Variants in CNTN4 observed in about 807,000 individuals in gnomAD.
CNTN4 encodes the protein contactin-4.
CNTN4 carries 77 observed loss-of-function variants against 122.5 expected under a neutral mutation model. The ratio of observed to expected loss-of-function variants is 0.63; its 90% CI spans 0.52 to 0.76. The LOEUF (loss-of-function observed/expected upper bound fraction) is 0.76, where lower values mean the gene tolerates loss of function less well. Among genes scored for constraint, CNTN4 ranks in the 30% least tolerant of loss-of-function variants. The probability of loss-of-function intolerance (pLI) is 0.00; values close to 1 mark genes in which losing one functional copy is unlikely to be tolerated. For synonymous variants in CNTN4, 512 were observed against 447.0 expected, an observed-to-expected ratio of 1.15 and a Z score of -1.83; for missense variants, 1,256 against 1,259.1, an observed-to-expected ratio of 1.00 and a Z score of 0.04.
intron 4 of CNTN4, among the ~76,000 whole-genome samples, chr3:2,724,106 A>G (rs2088045618): frequency 2.0e-5 from 3 of 152,164 alleles, no homozygotes; most frequent in Non-Finnish European, 4.4e-5. Flanking sequence ...AGGAAGGGAG[A>G]GTCAGAGTTG....
chr3:2,149,710 T>G (rs543625874), intron 2 of CNTN4, among the ~76,000 whole-genome samples: 1 of 152,316 alleles, frequency 6.6e-6, no homozygotes, highest in Admixed American at 6.5e-5. Flanking sequence ...TTTATATAAT[T>G]TGATGCAATG....
chr3:2,950,488 C>A (rs746001981), intron 13 of CNTN4, among the ~76,000 whole-genome samples: 2 of 148,700 alleles, frequency 1.3e-5, no homozygotes, highest in African/African-American at 2.4e-5. Flanking sequence ...TGATGAGTAG[C>A]AGGTCCCTGT....
intron 2 of CNTN4, among the ~76,000 whole-genome samples, chr3:2,242,589 G>C (rs1050689372): frequency 2.0e-5 from 3 of 152,066 alleles, no homozygotes; most frequent in African/African-American, 7.2e-5. Context: ...ATACACCATA[G>C]TAAGCACCAT....
intron 2 of CNTN4, among the ~76,000 whole-genome samples, chr3:2,317,583 G>A (rs2043147673): frequency 6.6e-6 from 1 of 152,124 alleles, no homozygotes; most frequent in Admixed American, 6.6e-5. Context: ...ATTTCTTTAT[G>A]TGTACTCTTT....
intron 2 of CNTN4, among the ~76,000 whole-genome samples, chr3:2,155,050 C>T (rs994497839): frequency 6.6e-6 from 1 of 152,212 alleles, no homozygotes; most frequent in Non-Finnish European, 1.5e-5. Context: ...GTTTTGTGTC[C>T]TAGAGTTTGG....
intron 13 of CNTN4, among the ~76,000 whole-genome samples, chr3:2,980,556 T>C (rs1357258337): frequency 6.6e-6 from 1 of 152,142 alleles, no homozygotes; most frequent in Non-Finnish European, 1.5e-5. Flanking sequence ...TGAAATCTCA[T>C]CCAGAAACAA....
intron 3 of CNTN4, among the ~76,000 whole-genome samples, chr3:2,487,881 A>G (rs2076207642): frequency 6.6e-6 from 1 of 152,230 alleles, no homozygotes; most frequent in South Asian, 2.1e-4. Context: ...ACATGTACCA[A>G]TAAGTTATAT....
intron 2 of CNTN4, among the ~76,000 whole-genome samples, chr3:2,322,695 C>G (rs1194098434): frequency 2.6e-5 from 4 of 152,082 alleles, no homozygotes; most frequent in Non-Finnish European, 5.9e-5. Context: ...ATTATGTTAG[C>G]TCTCCACAAT....
chr3:2,785,146 TAGAG>T (rs111372866), intron 6 of CNTN4, among the ~76,000 whole-genome samples: 37,860 of 150,778 alleles, frequency 0.25, 5,516 homozygotes, highest in East Asian at 0.59. Context: ...CACATATATA[TAGAG>T]AGAGAGAGAG....
At chr3:2,455,729 A>G (rs2048975300) in intron 3 of CNTN4, among the ~76,000 whole-genome samples, 3 of 152,074 alleles carry the variant, frequency 2.0e-5, no homozygotes, top group African/African-American at 4.8e-5. Flanking sequence ...TCGGGTAGTC[A>G]TTCCTGAAGT....
At chr3:2,784,205 G>A (rs1423780356) in intron 6 of CNTN4, among the ~76,000 whole-genome samples, 1 of 152,174 alleles carries the variant, frequency 6.6e-6, no homozygotes, top group African/African-American at 2.4e-5. Context: ...TAACATGAAT[G>A]AGTGAACGGG....
At chr3:2,170,245 G>T (rs532561629) in intron 2 of CNTN4, among the ~76,000 whole-genome samples, 82 of 151,764 alleles carry the variant, frequency 5.4e-4, no homozygotes, top group African/African-American at 2.0e-3. Context: ...GCGGGAACCC[G>T]GGAGGCGGAG....
intron 13 of CNTN4, among the ~76,000 whole-genome samples, chr3:2,965,568 G>A (rs1052203167): frequency 3.9e-5 from 6 of 152,152 alleles, no homozygotes; most frequent in Non-Finnish European, 5.9e-5. Context: ...ATCCTTGCAG[G>A]AACTTTTCTG....
chr3:2,452,115 T>C (rs183605862), intron 3 of CNTN4, among the ~76,000 whole-genome samples: 46 of 152,166 alleles, frequency 3.0e-4, no homozygotes, highest in Non-Finnish European at 1.5e-5. Flanking sequence ...TGACATAAAG[T>C]GTTAGCATTG....
At chr3:2,340,711 A>AGAGAGAGAGAGAGAGAGAGGGAGG (rs2044172307) in intron 3 of CNTN4, among the ~76,000 whole-genome samples, 1 of 49,454 alleles carries the variant, frequency 2.0e-5, no homozygotes, top group African/African-American at 7.1e-5. Context: ...ATATATATAT[A>AGAGAGAGAGAGAGAGAGAGGGAGG]GAGAGAGAGA....
chr3:2,956,684 C>G (rs181802888), intron 13 of CNTN4, among the ~76,000 whole-genome samples: 63 of 151,440 alleles, frequency 4.2e-4, no homozygotes, highest in Non-Finnish European at 7.4e-4. Flanking sequence ...TAATGATTAC[C>G]ACAATCAAAT....
intron 2 of CNTN4, among the ~76,000 whole-genome samples, chr3:2,235,561 T>A (rs2039649932): frequency 6.6e-6 from 1 of 152,154 alleles, no homozygotes; most frequent in African/African-American, 2.4e-5. Flanking sequence ...CAATGCAAAT[T>A]GTGTTGTCTG....
chr3:3,007,229 C>G lies in CNTN4; in HGVS notation c.1486+18757C>G, dbSNP rs145583347. Among the ~76,000 whole-genome samples, 840 of 152,304 alleles carry G rather than the reference C, an allele frequency of 5.5e-3. 6 individuals carry two copies. Among genetic ancestry groups the G allele is most frequent in the African/African-American group, 0.019 (808 of 41,554 alleles). ...AATCTGCAGCACGTCTTGTTGTGTA[C>G]TAGGTATTTGACAAAACAGTATATA... On this transcript the variant is annotated intron_variant, in intron 14 of 24. Transcript: ENST00000418658.
At chr3:2,717,940 T>G (rs1429435820) in intron 4 of CNTN4, among the ~76,000 whole-genome samples, 1 of 152,220 alleles carries the variant, frequency 6.6e-6, no homozygotes, top group Non-Finnish European at 1.5e-5. Context: ...TTTCATGTGT[T>G]TATTGACCAT....
Sources: allele counts gnomAD v4.1 joint callset (sites outside exome capture counted in the v4.1 genomes callset), GRCh38; gene constraint gnomAD v4.1.1; transcripts MANE v1.5; gene names NCBI Gene and HGNC (gene_info 2026-07-23, HGNC 2026-07-21).